ARL15: variants seen among roughly 807,000 people sequenced by gnomAD.
ARL15 encodes ARF like GTPase 15, also known as ADP-ribosylation factor-like protein 15.
A neutral mutation model predicts 25.2 loss-of-function variants in ARL15; 19 were observed. The observed-to-expected ratio is 0.75, with a 90% confidence interval of 0.53 to 1.10. The LOEUF (loss-of-function observed/expected upper bound fraction) is 1.10. Among genes scored for constraint, ARL15 ranks in the 50% least tolerant of loss-of-function variants. The pLI, the probability that ARL15 is intolerant of heterozygous loss-of-function variation, is 0.00. For missense variants in ARL15, 220 were observed against 246.0 expected (o/e 0.89, Z 0.71); for synonymous variants, 94 against 86.8 (o/e 1.08, Z -0.46).
At chr5:54,193,952 G>A (rs28701873) in intron 1 of ARL15, among the ~76,000 whole-genome samples, 45,018 of 151,520 alleles carry the variant, frequency 0.3, 7,091 homozygotes, top group African/African-American at 0.37. Flanking sequence ...AAATAATTGG[G>A]GGCATGGATG....
chr5:54,090,221 T>C (rs1335448136), intron 4 of ARL15, among the ~76,000 whole-genome samples: 1 of 152,026 alleles, frequency 6.6e-6, no homozygotes, highest in African/African-American at 2.4e-5. Context: ...CTCAATATGA[T>C]GGAATATTAC....
At position 54,138,859 on chromosome 5, in the gene ARL15, C is replaced by T. The variant is rs184116542; in HGVS notation, c.253+15721G>A. On this transcript the variant is annotated intron_variant, in intron 3 of 4. Transcript: ENST00000504924. ...ATCCTATCAAAAAATAGGCAAATGA[C>T]ATGAATAGATATTCCTCAAAAGAAG... Among the ~76,000 whole-genome samples the T allele has an allele frequency of 1.6e-3, 249 of 152,112 alleles. 2 individuals are homozygous for T. The highest frequency in any genetic ancestry group is 8.1e-3 in the Admixed American group (124 of 15,290).
chr5:54,167,997 C>T (rs1754623100), intron 2 of ARL15, among the ~76,000 whole-genome samples: 1 of 152,102 alleles, frequency 6.6e-6, no homozygotes, highest in African/African-American at 2.4e-5. Context: ...GATTTCTTGC[C>T]CATATTTGAC....
At chr5:54,068,479 C>G (rs1419986234) in intron 4 of ARL15, among the ~76,000 whole-genome samples, 1 of 152,196 alleles carries the variant, frequency 6.6e-6, no homozygotes, top group Non-Finnish European at 1.5e-5. Flanking sequence ...AGAACTGAAT[C>G]TCTTTTCTGT....
chr5:54,053,285 C>A (rs185716484), intron 4 of ARL15, among the ~76,000 whole-genome samples: 199 of 152,120 alleles, frequency 1.3e-3, no homozygotes, highest in African/African-American at 4.7e-3. Flanking sequence ...AAATAAATAT[C>A]CATGAGTCTC....
chr5:54,050,839 T>C (rs1750683348), intron 4 of ARL15, among the ~76,000 whole-genome samples: 1 of 152,180 alleles, frequency 6.6e-6, no homozygotes, highest in African/African-American at 2.4e-5. Flanking sequence ...TCATCTGAAT[T>C]TTTAGAAGAG....
At chr5:53,982,931 G>A (rs1383939704) in intron 4 of ARL15, among the ~76,000 whole-genome samples, 1 of 152,150 alleles carries the variant, frequency 6.6e-6, no homozygotes, top group Non-Finnish European at 1.5e-5. Flanking sequence ...TTTCTTTAAT[G>A]ACCAGTGATG....
intron 4 of ARL15, among the ~76,000 whole-genome samples, chr5:53,967,573 T>C (rs1013146189): frequency 4.0e-5 from 6 of 151,368 alleles, no homozygotes; most frequent in Non-Finnish European, 8.9e-5. Flanking sequence ...ATAAGAAGAG[T>C]AGGTAGAAAA....
intron 4 of ARL15, among the ~76,000 whole-genome samples, chr5:54,030,882 C>T (rs1277810506): frequency 6.6e-6 from 1 of 152,102 alleles, no homozygotes; most frequent in Non-Finnish European, 1.5e-5. Context: ...AATGAAAAAA[C>T]TAGAAAGTAA....
At chr5:54,105,290 C>A (rs1038593890) in intron 4 of ARL15, among the ~76,000 whole-genome samples, 2 of 151,798 alleles carry the variant, frequency 1.3e-5, no homozygotes, top group East Asian at 3.9e-4. Context: ...CAGCCATTGC[C>A]TTTGTTGAAT....
At chr5:54,012,965 A>T (rs112245823) in intron 4 of ARL15, among the ~76,000 whole-genome samples, 5,913 of 150,144 alleles carry the variant, frequency 0.039, 110 homozygotes, top group Non-Finnish European at 0.056. Flanking sequence ...ACACCCGGCT[A>T]ATTTTCGAAT....
Position 54,196,568 on chromosome 5 carries a change from TAAC to T in ARL15, c.49-24643_49-24641del, listed in dbSNP as rs557014670. 2.7e-3 allele frequency among the ~76,000 whole-genome samples: 404 copies of T among 152,192 alleles called. 1 individual carries two copies. The highest frequency in any genetic ancestry group is 9.2e-3 in the African/African-American group (384 of 41,550). The stretch of plus-strand genomic sequence containing the variant: ...TTACAAATAAAGCAGTAAGTGGTAA[TAAC>T]AATAATTATTATTTATGCCATACTA... On this transcript the variant is annotated intron_variant, in intron 1 of 4. Coordinates refer to ENST00000504924, the MANE Select transcript of ARL15 (RefSeq NM_019087.3).
At chr5:53,894,265 T>C (rs1466997739) in intron 4 of ARL15, among the ~76,000 whole-genome samples, 1 of 152,250 alleles carries the variant, frequency 6.6e-6, no homozygotes, top group Non-Finnish European at 1.5e-5. Flanking sequence ...TGAGCCTTGC[T>C]CTTACTATAA....
chr5:53,891,094 A>G (rs1289944397), intron 4 of ARL15, among the ~76,000 whole-genome samples: 1 of 152,228 alleles, frequency 6.6e-6, no homozygotes, highest in Non-Finnish European at 1.5e-5. Flanking sequence ...TTGAACTTCA[A>G]TAACAAGTCT....
intron 1 of ARL15, among the ~76,000 whole-genome samples, chr5:54,234,156 C>T (rs546143767): frequency 6.6e-6 from 1 of 151,918 alleles, no homozygotes; most frequent in Admixed American, 6.6e-5. Flanking sequence ...CCACCAAGCC[C>T]GGCTAATTTT....
chr5:53,897,954 G>A (rs930579696), intron 4 of ARL15, among the ~76,000 whole-genome samples: 2 of 151,976 alleles, frequency 1.3e-5, no homozygotes, highest in African/African-American at 4.8e-5. Flanking sequence ...CATAAATTTT[G>A]TATATTATAT....
chr5:54,199,498 C>T (rs1485335898), intron 1 of ARL15, among the ~76,000 whole-genome samples: 1 of 152,072 alleles, frequency 6.6e-6, no homozygotes, highest in Non-Finnish European at 1.5e-5. Flanking sequence ...TGAACAGACA[C>T]TTCTCAAAAG....
At chr5:53,907,588 C>T (rs1745313962) in intron 4 of ARL15, among the ~76,000 whole-genome samples, 2 of 144,842 alleles carry the variant, frequency 1.4e-5, no homozygotes, top group Non-Finnish European at 3.0e-5. Context: ...AGCTCCGCCT[C>T]CTGGGTTCAC....
chr5:54,172,682 G>A (rs1754753816), intron 1 of ARL15, among the ~76,000 whole-genome samples: 1 of 152,184 alleles, frequency 6.6e-6, no homozygotes, highest in Non-Finnish European at 1.5e-5. Context: ...ATCTGGTGAG[G>A]AGAGTGACAA....
Sources: gnomAD v4.1 joint callset for allele counts (sites outside exome capture counted in the v4.1 genomes callset) on GRCh38, gnomAD v4.1.1 for gene constraint, MANE v1.5 for transcripts, NCBI Gene and HGNC (gene_info 2026-07-23, HGNC 2026-07-21) for gene names.